The following PDE11A variants were observed in gnomAD, a reference collection of about 807,000 sequenced individuals.
PDE11A encodes dual 3',5'-cyclic-AMP and -GMP phosphodiesterase 11A.
In PDE11A, 100 loss-of-function variants were observed where a neutral mutation model predicts 100.5. The observed-to-expected ratio is 1.00, with a 90% confidence interval of 0.85 to 1.18. The LOEUF is 1.18. Ranked by LOEUF, PDE11A falls within the 50% of genes most tolerant of loss-of-function variation. PDE11A has a pLI of 0.00. For synonymous variants in PDE11A, 381 were observed against 420.8 expected (o/e 0.91, Z 1.16); for missense variants, 1,141 against 1,152.6 (o/e 0.99, Z 0.15).
chr2:177,669,434 T>C, intron 18 of PDE11A, 59 bp downstream of exon 18: 3 of 803,956 alleles, frequency 3.7e-6, no homozygotes, highest in East Asian at 4.9e-5. Flanking sequence ...TAATTTGGAG[T>C]TCTTTTTGAA....
chr2:178,046,684 T>A (rs2086755149), intron 1 of PDE11A, among the ~76,000 whole-genome samples: 1 of 152,190 alleles, frequency 6.6e-6, no homozygotes. Flanking sequence ...TTGGCAAAGC[T>A]GAGGTAGTCA....
rs143108439 is a variant in PDE11A at position 177,684,313 on chromosome 2, T to A, written c.2346-3410A>T. Among the ~76,000 whole-genome samples the A allele has an allele frequency of 4.6e-5, 7 of 152,252 alleles. No homozygotes were observed. The East Asian group carries it at 1.3e-3, about 29-fold the overall frequency. The stretch of plus-strand genomic sequence containing the variant: ...GAGAATAATAATATTGGGACTAGAG[T>A]GATGTGAGAGAGGCACTCACCTGGG... On this transcript the variant is annotated intron_variant, in intron 15 of 19. Transcript: ENST00000286063.
intron 2 of PDE11A, among the ~76,000 whole-genome samples, chr2:177,966,429 A>C (rs1031299721): frequency 3.3e-5 from 5 of 152,184 alleles, no homozygotes; most frequent in African/African-American, 9.6e-5. Context: ...TGTAGTTCTC[A>C]AGGGGAATAC....
chr2:177,997,261 A>T, intron 2 of PDE11A: 1 of 1,215,070 alleles, frequency 8.2e-7, no homozygotes, highest in Middle Eastern at 1.9e-4. Flanking sequence ...ACTTTCCCTG[A>T]AGGCTCCTCT....
intron 2 of PDE11A, among the ~76,000 whole-genome samples, chr2:177,921,470 G>T (rs1160468915): frequency 7.6e-6 from 1 of 130,860 alleles, no homozygotes; most frequent in Non-Finnish European, 1.6e-5. Context: ...TCATCTAAAA[G>T]CAAAAAAAAA....
intron 2 of PDE11A, among the ~76,000 whole-genome samples, chr2:178,084,749 GC>G (rs1249643430): frequency 7.0e-6 from 1 of 142,730 alleles, no homozygotes; most frequent in African/African-American, 2.7e-5. Context: ...ATGGTAGACA[GC>G]TTTTTTTTTT....
chr2:177,793,537 C>CA (rs34902120), intron 9 of PDE11A, among the ~76,000 whole-genome samples: 111 of 79,270 alleles, frequency 1.4e-3, no homozygotes, highest in African/African-American at 3.8e-3. Context: ...CAGGGATCTG[C>CA]AAAAAAAAAA....
chr2:177,629,829 C>T (rs1420326844), intron 19 of PDE11A, among the ~76,000 whole-genome samples: 4 of 152,166 alleles, frequency 2.6e-5, no homozygotes, highest in South Asian at 4.1e-4. Flanking sequence ...GCCATGTAGA[C>T]TCAAATCCTG....
At chr2:177,843,658 G>C (rs1008465874) in intron 5 of PDE11A, among the ~76,000 whole-genome samples, 1 of 152,134 alleles carries the variant, frequency 6.6e-6, no homozygotes, top group African/African-American at 2.4e-5. Context: ...AGTGTAGAAG[G>C]AATATTGACT....
chr2:177,695,500 C>T (rs1485739635), intron 15 of PDE11A, among the ~76,000 whole-genome samples: 1 of 152,184 alleles, frequency 6.6e-6, no homozygotes, highest in Non-Finnish European at 1.5e-5. Context: ...CTAAATCTGA[C>T]AACCCTGGGT....
chr2:177,729,541 G>A (rs1417697033), intron 10 of PDE11A, among the ~76,000 whole-genome samples: 1 of 152,154 alleles, frequency 6.6e-6, no homozygotes, highest in East Asian at 1.9e-4. Context: ...GGGTAGATTT[G>A]TGAGGCTGTG....
In PDE11A at chr2:177,835,163, G is replaced by C. The variant is rs2083374079; in HGVS notation, c.1500+5088C>G. On this transcript the variant is annotated intron_variant, in intron 6 of 19. Transcript: ENST00000286063. Reference sequence around the variant, plus strand: ...CCTGTCAAGGTTGCCAGGACTTGAAGATACAAGGACAGAAGAAAGAAAAGA... The same window carrying C: ...CCTGTCAAGGTTGCCAGGACTTGAACATACAAGGACAGAAGAAAGAAAAGA... 2.0e-5 allele frequency among the ~76,000 whole-genome samples: 3 copies of C among 152,140 alleles called. No homozygotes were observed. The South Asian group carries it at 6.2e-4, about 32-fold the overall frequency.
chr2:178,100,421 T>C (rs1421953754), intron 2 of PDE11A, among the ~76,000 whole-genome samples: 1 of 152,104 alleles, frequency 6.6e-6, no homozygotes, highest in Non-Finnish European at 1.5e-5. Flanking sequence ...CACAAAAAAA[T>C]AAAATATGGT....
intron 2 of PDE11A, among the ~76,000 whole-genome samples, chr2:177,924,739 T>TA (rs1183636258): frequency 1.9e-4 from 29 of 152,010 alleles, no homozygotes; most frequent in African/African-American, 6.3e-4. Context: ...TTTTTTTTTT[T>TA]TTATTATACT....
intron 17 of PDE11A, among the ~76,000 whole-genome samples, chr2:177,671,101 C>T (rs1445646985): frequency 6.6e-6 from 1 of 152,166 alleles, no homozygotes; most frequent in Non-Finnish European, 1.5e-5. Context: ...CAGAACTCTC[C>T]CTCAGATTGC....
intron 10 of PDE11A, among the ~76,000 whole-genome samples, chr2:177,761,438 A>G (rs2082169032): frequency 6.6e-6 from 1 of 152,196 alleles, no homozygotes; most frequent in Non-Finnish European, 1.5e-5. Context: ...GTCACAAGGT[A>G]GAAATTTCTC....
intron 16 of PDE11A, 38 bp from the exon 17 acceptor site, chr2:177,675,556 T>C (rs747636185): frequency 6.5e-7 from 1 of 1,526,980 alleles, no homozygotes; most frequent in Admixed American, 1.7e-5. Flanking sequence ...CTGAATAATC[T>C]TTTGTTGCAT....
At chr2:177,880,436 A>T (rs1450288819) in intron 4 of PDE11A, among the ~76,000 whole-genome samples, 1 of 152,204 alleles carries the variant, frequency 6.6e-6, no homozygotes, top group Non-Finnish European at 1.5e-5. Flanking sequence ...ATCTTGTCAC[A>T]CATGATAGCC....
chr2:178,040,617 T>C (rs1247288347), intron 1 of PDE11A, among the ~76,000 whole-genome samples: 2 of 152,214 alleles, frequency 1.3e-5, no homozygotes, highest in East Asian at 3.9e-4. Flanking sequence ...ACCCTTGTTA[T>C]GTTAATAGGA....
Sources: allele counts gnomAD v4.1 joint callset (sites outside exome capture counted in the v4.1 genomes callset), GRCh38; gene constraint gnomAD v4.1.1; transcripts MANE v1.5; gene names NCBI Gene and HGNC (gene_info 2026-07-23, HGNC 2026-07-21).